TAOK1: variants seen among roughly 807,000 people sequenced by gnomAD.
TAOK1 encodes the protein TAO kinase 1, also known as serine/threonine-protein kinase TAO1.
A neutral mutation model predicts 138.3 loss-of-function variants in TAOK1; 21 were observed. The ratio of observed to expected loss-of-function variants is 0.15; its 90% confidence interval spans 0.11 to 0.22. TAOK1 has a LOEUF of 0.22. Among genes scored for constraint, TAOK1 ranks in the 10% least tolerant of loss-of-function variants. The pLI is 1.00. For missense variants in TAOK1, 651 were observed against 1,227.7 expected, an observed-to-expected ratio of 0.53 and a Z score of 7.02; for synonymous variants, 361 against 398.4, an observed-to-expected ratio of 0.91 and a Z score of 1.12.
chr17:29,492,117 T>TC (rs2031307037), intron 10 of TAOK1, among the ~76,000 whole-genome samples: 1 of 152,082 alleles, frequency 6.6e-6, no homozygotes, highest in African/African-American at 2.4e-5. Flanking sequence ...ACTCCTGGGC[T>TC]CAAGTGATCC....
Position 29,543,052 on chromosome 17 carries a change from G to T in TAOK1, c.*30G>T, listed in dbSNP as rs780081881. On this transcript the variant is annotated 3_prime_UTR_variant, in exon 20 of 20. Coordinates refer to ENST00000261716, the MANE Select transcript of TAOK1 (RefSeq NM_020791.4). The stretch of plus-strand genomic sequence containing the variant: ...ATAATTGAGAGTGGCAATTCCGCTG[G>T]AGCTGTCTGCCAAAAGAAACTGCCT... 2 of 1,498,938 alleles carry T rather than the reference G, an allele frequency of 1.3e-6. No individual in the cohort carries two copies. Among genetic ancestry groups the T allele is most frequent in the Non-Finnish European group, 1.8e-6 (2 of 1,115,052 alleles). 92.9% of individuals were successfully genotyped at this position (1,498,938 alleles called of 1,614,324 possible).
At chr17:29,415,375 T>C (rs539242700) in intron 1 of TAOK1, among the ~76,000 whole-genome samples, 148 of 152,328 alleles carry the variant, frequency 9.7e-4, no homozygotes, top group African/African-American at 3.4e-3. Context: ...GTGAAATTGT[T>C]GGGTCACATG....
rs923829841 is a variant in TAOK1, at chr17:29,549,311, C to T, written c.*6289C>T. On this transcript the variant is annotated 3_prime_UTR_variant, in exon 20 of 20. Coordinates refer to ENST00000261716, the MANE Select transcript of TAOK1 (RefSeq NM_020791.4). ...AAGGGAAATGCATTTCTTAGAAATC[C>T]GTGAACCCTCAGTTGTATGCTTTCA... 9.2e-5 allele frequency: 14 copies of T among 152,232 alleles called. No homozygotes were observed. The highest frequency in any genetic ancestry group is 2.9e-4 in the African/African-American group (12 of 41,538). The allele number at this position is 152,232 out of a possible 1,614,324, so 9.4% of individuals were successfully genotyped here.
At position 29,456,965 on chromosome 17, in the gene TAOK1, T is replaced by A. The variant is rs147522668; in HGVS notation, c.132+5285T>A. ...AGCCAGGATGGTCTCGATCTCCTGG[T>A]CTTGTGATCCGCCTTCCTCGGCCTC... On this transcript the variant is annotated intron_variant, in intron 2 of 19. Transcript: ENST00000261716. Among the ~76,000 whole-genome samples the A allele has an allele frequency of 1.8e-3, 269 of 150,262 alleles. 7 individuals are homozygous for A. The highest frequency in any genetic ancestry group is 6.8e-3 in the Middle Eastern group (2 of 294).
chr17:29,518,466 C>T (rs1323143733), intron 16 of TAOK1, among the ~76,000 whole-genome samples: 1 of 152,226 alleles, frequency 6.6e-6, no homozygotes, highest in Non-Finnish European at 1.5e-5. Flanking sequence ...GCCTGAGCTA[C>T]AGAGCAAGAC....
chr17:29,526,024 T>C (rs2032003477), intron 17 of TAOK1, among the ~76,000 whole-genome samples: 1 of 152,136 alleles, frequency 6.6e-6, no homozygotes, highest in East Asian at 1.9e-4. Context: ...CCGGGCGTGG[T>C]GGCTCATACC....
chr17:29,541,926 G>T (rs531359266), intron 19 of TAOK1, among the ~76,000 whole-genome samples: 21 of 151,708 alleles, frequency 1.4e-4, no homozygotes, highest in African/African-American at 5.1e-4. Flanking sequence ...CCAGGCTGGA[G>T]TGCAGTGGCA....
chr17:29,446,544 A>G (rs925799259), intron 1 of TAOK1, among the ~76,000 whole-genome samples: 4 of 151,852 alleles, frequency 2.6e-5, no homozygotes, highest in Non-Finnish European at 4.4e-5. Flanking sequence ...CCCAGGCTGT[A>G]TTTTAGTTTT....
intron 18 of TAOK1, among the ~76,000 whole-genome samples, chr17:29,531,884 G>T (rs1432515232): frequency 1.4e-5 from 2 of 144,776 alleles, no homozygotes; most frequent in Non-Finnish European, 1.5e-5. Flanking sequence ...TTTTTGAGAC[G>T]GAGTCTCGCT....
At chr17:29,494,635 G>A (rs1598506206) in intron 10 of TAOK1, among the ~76,000 whole-genome samples, 1 of 151,948 alleles carries the variant, frequency 6.6e-6, no homozygotes, top group East Asian at 1.9e-4. Flanking sequence ...GACCATCCTG[G>A]CTAACACGGT....
chr17:29,436,074 G>A (rs1906021757), intron 1 of TAOK1, among the ~76,000 whole-genome samples: 2 of 152,342 alleles, frequency 1.3e-5, no homozygotes, highest in South Asian at 4.1e-4. Flanking sequence ...AGGTTGCATT[G>A]AGTTCAGATT....
chr17:29,450,176 C>T (rs1386081651), intron 1 of TAOK1, among the ~76,000 whole-genome samples: 4 of 151,078 alleles, frequency 2.6e-5, no homozygotes, highest in African/African-American at 7.3e-5. Flanking sequence ...AACCTCGAAC[C>T]TCTGGGCACA....
In TAOK1 at chr17:29,508,066, G is replaced by T. The variant is rs1169871467; in HGVS notation, c.1509G>T (p.Gln503His). ...RLRLDKDLET[Q>H]RNNFAAEMEK... ...GATTAGACAAAGATCTTGAAACTCA[G>T]CGTAACAATTTTGCTGCAGAAATGG... Residue 503 changes from glutamine to histidine, a missense_variant, in exon 14 of 20, where the codon CAG becomes CAT. Gln to His is a conservative substitution (Grantham distance 24). Transcript: ENST00000261716. 1 of 1,614,106 alleles carries T rather than the reference G, an allele frequency of 6.2e-7. No homozygotes were observed. The highest frequency in any genetic ancestry group is 8.5e-7 in the Non-Finnish European group (1 of 1,179,992).
chr17:29,393,357 A>T (rs983226039), intron 1 of TAOK1, among the ~76,000 whole-genome samples: 1 of 151,930 alleles, frequency 6.6e-6, no homozygotes, highest in Non-Finnish European at 1.5e-5. Context: ...ATATTTCAGC[A>T]TGCTATAACT....
At chr17:29,486,487 G>T (rs1402019695) in intron 8 of TAOK1, among the ~76,000 whole-genome samples, 3 of 152,052 alleles carry the variant, frequency 2.0e-5, no homozygotes, top group Non-Finnish European at 4.4e-5. Context: ...GCAAAAATTA[G>T]CTGGGCGTGG....
intron 1 of TAOK1, among the ~76,000 whole-genome samples, chr17:29,399,688 A>ACT: frequency 6.6e-6 from 1 of 152,136 alleles, no homozygotes; most frequent in African/African-American, 2.4e-5. Flanking sequence ...GTAGCTTAGT[A>ACT]ACTTTTTGCA....
intron 19 of TAOK1, among the ~76,000 whole-genome samples, chr17:29,541,963 C>A (rs1245322378): frequency 2.0e-5 from 3 of 151,892 alleles, no homozygotes; most frequent in Non-Finnish European, 2.9e-5. Context: ...CAAGCTTCAC[C>A]TCCCGGGTTC....
In TAOK1 at chr17:29,548,472, T is replaced by C. The variant is rs148105880; in HGVS notation, c.*5450T>C. The C allele has an allele frequency of 7.2e-5, 11 of 152,220 alleles. No homozygotes were observed. The highest frequency in any genetic ancestry group is 2.4e-4 in the African/African-American group (10 of 41,544). 9.4% of individuals were successfully genotyped at this position (152,220 alleles called of 1,614,324 possible). On this transcript the variant is annotated 3_prime_UTR_variant, in exon 20 of 20. Transcript: ENST00000261716. ...TGTTTCTAAATATACAAGGAATTCT[T>C]TAAATAGAGAAAAAGGTTAATCCTC...
rs1425061093 is a variant in TAOK1, at chr17:29,549,870, A to G, written c.*6848A>G. ...AGAAACCACCACCCTTCTTCCTAACAGCATTTTATGCCTTTTATTCCACAT... is the reference window on the plus strand; with the variant it reads ...AGAAACCACCACCCTTCTTCCTAACGGCATTTTATGCCTTTTATTCCACAT... On this transcript the variant is annotated 3_prime_UTR_variant, in exon 20 of 20. Coordinates refer to ENST00000261716, the MANE Select transcript of TAOK1 (RefSeq NM_020791.4). 6.6e-6 allele frequency: 1 copy of G among 152,138 alleles called. No individual in the cohort carries two copies. Among genetic ancestry groups the G allele is most frequent in the Admixed American group, 6.6e-5 (1 of 15,262 alleles). The allele number at this position is 152,138 out of a possible 1,614,324, so 9.4% of individuals were successfully genotyped here.
Sources: allele counts gnomAD v4.1 joint callset (sites outside exome capture counted in the v4.1 genomes callset), GRCh38; gene constraint gnomAD v4.1.1; transcripts MANE v1.5; gene names NCBI Gene and HGNC (gene_info 2026-07-23, HGNC 2026-07-21).